USH2A: variants seen among roughly 807,000 people sequenced by gnomAD.
The protein encoded by USH2A is usherin, also known as Usher syndrome 2A (autosomal recessive, mild).
In USH2A, 443 loss-of-function variants were observed where a neutral mutation model predicts 538.9. The ratio of observed to expected loss-of-function variants is 0.82; its 90% CI spans 0.76 to 0.89. The LOEUF (loss-of-function observed/expected upper bound fraction) is 0.89, where lower values mean the gene tolerates loss of function less well. Ranked by LOEUF, USH2A falls within the 40% of genes least tolerant of loss-of-function variation. The pLI is 0.00. For synonymous variants in USH2A, 2,413 were observed against 2,273.5 expected (o/e 1.06, Z -1.75); for missense variants, 6,633 against 6,324.8 (o/e 1.05, Z -1.65).
intron 21 of USH2A, among the ~76,000 whole-genome samples, chr1:216,104,698 G>T (rs1395652579): frequency 3.9e-5 from 6 of 152,212 alleles, no homozygotes; most frequent in Non-Finnish European, 4.4e-5. Context: ...TTAAATGTTA[G>T]ACCTAAAAGC....
chr1:215,690,572 T>G (rs1169261864), intron 61 of USH2A, among the ~76,000 whole-genome samples: 2 of 152,064 alleles, frequency 1.3e-5, no homozygotes, highest in Admixed American at 1.3e-4. Flanking sequence ...ACAATAATAA[T>G]AAACTTTCTA....
Position 215,699,204 on chromosome 1 carries a change from C to T in USH2A, c.12067-18828G>A, listed in dbSNP as rs141228269. Among the ~76,000 whole-genome samples the T allele has an allele frequency of 5.5e-3, 840 of 152,226 alleles. 5 individuals carry two copies. Among genetic ancestry groups the T allele is most frequent in the African/African-American group, 0.019 (798 of 41,532 alleles). ...TATCTGTTTTGGTACCAGTGCTATG[C>T]TGTTTTGGTTACTGTAGCCTTGTAG... On this transcript the variant is annotated intron_variant, in intron 61 of 71. Coordinates refer to ENST00000307340, the MANE Select transcript of USH2A (RefSeq NM_206933.4).
chr1:216,411,970 A>G, intron 3 of USH2A, among the ~76,000 whole-genome samples: 1 of 152,150 alleles, frequency 6.6e-6, no homozygotes, highest in East Asian at 1.9e-4. Context: ...TCTTCATGTG[A>G]TCATGTAGCA....
At position 216,198,419 on chromosome 1, in the gene USH2A, A is replaced by G. The variant is rs1439905146; in HGVS notation, c.3977T>C (p.Ile1326Thr). The G allele has an allele frequency of 1.2e-6, 2 of 1,614,010 alleles. No individual in the cohort carries two copies. Among genetic ancestry groups the G allele is most frequent in the Non-Finnish European group, 8.5e-7 (1 of 1,179,960 alleles). The stretch of plus-strand genomic sequence containing the variant: ...CTTGGTGTATGGCTCCAAGCCAGTG[A>G]TGGTTGTCATTGTTTGAGGAGGTTT... ...ALKPPQTMTT[I>T]TGLEPYTKYE... The change falls in exon 18 of 72, where the codon ATC becomes ACC. Residue 1326 changes from isoleucine (I) to threonine (T), a missense_variant. By Grantham distance (89) the Ile-to-Thr change is moderately conservative. Transcript: ENST00000307340.
intron 71 of USH2A, among the ~76,000 whole-genome samples, chr1:215,627,311 A>G (rs1451420599): frequency 6.6e-6 from 1 of 151,972 alleles, no homozygotes; most frequent in African/African-American, 2.4e-5. Context: ...CAGAGGAGTA[A>G]ACACAGGAGC....
At position 215,877,853 on chromosome 1, in the gene USH2A, C is replaced by A. The variant is rs1571772740; in HGVS notation, c.8586G>T (p.Gln2862His). ...LRYELLRRKI[Q>H]QPLASNPPED... ...CTGGGGGATTTGATGCAAGTGGCTGCTGGATTTTACGTCTCAGAAGCTCAT... is the reference window on the plus strand; with the variant it reads ...CTGGGGGATTTGATGCAAGTGGCTGATGGATTTTACGTCTCAGAAGCTCAT... The change falls in exon 43 of 72, where the codon CAG becomes CAT. Residue 2862 changes from glutamine to histidine, a missense_variant. Gln to His is a conservative substitution (Grantham distance 24). Coordinates refer to ENST00000307340, the MANE Select transcript of USH2A (RefSeq NM_206933.4). 1 of 1,613,620 alleles carries A rather than the reference C, an allele frequency of 6.2e-7. No individual in the cohort carries two copies. Among genetic ancestry groups the A allele is most frequent in the South Asian group, 1.1e-5 (1 of 91,078 alleles).
intron 14 of USH2A, among the ~76,000 whole-genome samples, chr1:216,223,325 T>G (rs1166628001): frequency 6.6e-6 from 1 of 152,190 alleles, no homozygotes; most frequent in African/African-American, 2.4e-5. Flanking sequence ...TGATACTTCT[T>G]ATCAGATCAT....
chr1:216,014,587 CTGTT>C (rs1230958127), intron 32 of USH2A, among the ~76,000 whole-genome samples: 1 of 152,220 alleles, frequency 6.6e-6, no homozygotes, highest in Admixed American at 6.5e-5. Context: ...CATAAGGCCA[CTGTT>C]TGTAAGAGCC....
At chr1:216,284,597 C>T (rs560790755) in intron 11 of USH2A, among the ~76,000 whole-genome samples, 17 of 152,192 alleles carry the variant, frequency 1.1e-4, no homozygotes, top group African/African-American at 3.4e-4. Context: ...GGTAGTGGGG[C>T]GCTGCTGTAA....
intron 32 of USH2A, among the ~76,000 whole-genome samples, chr1:216,036,815 G>T (rs552287580): frequency 1.1e-4 from 17 of 151,970 alleles, no homozygotes; most frequent in Non-Finnish European, 1.5e-5. Context: ...TAGATCAGAG[G>T]GTTCTGAATG....
chr1:216,122,495 G>T (rs1468507656), intron 21 of USH2A, among the ~76,000 whole-genome samples: 1 of 152,178 alleles, frequency 6.6e-6, no homozygotes, highest in African/African-American at 2.4e-5. Context: ...ATCAACTTTA[G>T]TCGAGGGTGC....
intron 64 of USH2A, among the ~76,000 whole-genome samples, chr1:215,666,928 A>G (rs189187601): frequency 1.2e-3 from 179 of 152,164 alleles, no homozygotes; most frequent in African/African-American, 4.2e-3. Context: ...CATCTCTACT[A>G]AAAATACAAA....
chr1:215,955,887 T>C (rs1023993700), intron 37 of USH2A, among the ~76,000 whole-genome samples: 1 of 152,160 alleles, frequency 6.6e-6, no homozygotes, highest in Non-Finnish European at 1.5e-5. Flanking sequence ...CTCATAACTC[T>C]GTATAATGAT....
chr1:215,767,375 T>C (rs1358101020), intron 55 of USH2A, among the ~76,000 whole-genome samples: 2 of 152,148 alleles, frequency 1.3e-5, no homozygotes, highest in African/African-American at 4.8e-5. Flanking sequence ...AAAAAGAAGG[T>C]TAGATCCAAC....
intron 11 of USH2A, among the ~76,000 whole-genome samples, chr1:216,257,810 T>C (rs2036287366): frequency 6.6e-6 from 1 of 152,064 alleles, no homozygotes; most frequent in Admixed American, 6.6e-5. Flanking sequence ...ATTTTTTATA[T>C]ATAACATAAA....
Position 215,844,349 on chromosome 1 carries a change from A to G in USH2A, c.9203T>C (p.Val3068Ala), listed in dbSNP as rs146445078. The change falls in exon 46 of 72, where the codon GTG (valine) becomes GCG (alanine). Residue 3068 changes from valine (V) to alanine (A), a missense_variant. Transcript: ENST00000307340. The part of the protein sequence containing the change: ...NNKLYKTGMN[V>A]PGSFILRDLS... ...GTCTCTCAGAATAAACGACCCAGGC[A>G]CATTCATTCCAGTCTTGTAGAGCTT... 918 of 1,613,828 alleles carry G rather than the reference A, an allele frequency of 5.7e-4. No individual in the cohort carries two copies. Among genetic ancestry groups the G allele is most frequent in the Non-Finnish European group, 6.9e-4 (817 of 1,179,842 alleles).
intron 3 of USH2A, among the ~76,000 whole-genome samples, chr1:216,390,795 G>A (rs2039094328): frequency 6.6e-6 from 1 of 151,862 alleles, no homozygotes; most frequent in African/African-American, 2.4e-5. Context: ...CCACCACTTG[G>A]GCATTTTCCT....
At chr1:215,761,184 C>T (rs1311176095) in intron 56 of USH2A, among the ~76,000 whole-genome samples, 2 of 152,132 alleles carry the variant, frequency 1.3e-5, no homozygotes, top group Non-Finnish European at 2.9e-5. Flanking sequence ...TACAGCATGA[C>T]ATTTTTGCAT....
chr1:216,378,923 G>A (rs912807969), intron 3 of USH2A, among the ~76,000 whole-genome samples: 2 of 151,968 alleles, frequency 1.3e-5, no homozygotes, highest in Non-Finnish European at 2.9e-5. Context: ...GGATCTGTCT[G>A]CAGATGTGTT....
Sources: allele counts gnomAD v4.1 joint callset (sites outside exome capture counted in the v4.1 genomes callset), GRCh38; gene constraint gnomAD v4.1.1; transcripts MANE v1.5; gene names NCBI Gene and HGNC (gene_info 2026-07-23, HGNC 2026-07-21).